The following IQSEC1 variants were observed in gnomAD, a reference collection of about 807,000 sequenced individuals.
IQSEC1 encodes the protein IQ motif and SEC7 domain-containing protein 1.
Under a neutral mutation model 91.0 loss-of-function variants are expected in IQSEC1, and 31 were observed. The ratio of observed to expected loss-of-function variants is 0.34; its 90% confidence interval spans 0.26 to 0.46. The LOEUF (loss-of-function observed/expected upper bound fraction) is 0.46, where lower values mean the gene tolerates loss of function less well. Among genes scored for constraint, IQSEC1 ranks in the 20% least tolerant of loss-of-function variants. IQSEC1 has a pLI of 1.00. For missense variants in IQSEC1, 1,388 were observed against 1,575.6 expected (o/e 0.88, Z 2.02); for synonymous variants, 699 against 662.6 (o/e 1.05, Z -0.84).
In IQSEC1 at chr3:12,899,423, G is replaced by A. The variant is rs755799875; in HGVS notation, c.*1560C>T. Reference sequence around the variant, plus strand: ...ACAGCACTGACGGCTGCAGTGGCTCGAAAGGCTGAAACTACAAAGTATGGC... The same window carrying A: ...ACAGCACTGACGGCTGCAGTGGCTCAAAAGGCTGAAACTACAAAGTATGGC... On this transcript the variant is annotated 3_prime_UTR_variant, in exon 14 of 14. Coordinates refer to ENST00000613206, the MANE Select transcript of IQSEC1 (RefSeq NM_001134382.3). 9.3e-6 allele frequency: 15 copies of A among 1,606,720 alleles called. No homozygotes were observed. Among genetic ancestry groups the A allele is most frequent in the Admixed American group, 1.7e-5 (1 of 58,938 alleles).
Position 12,922,232 on chromosome 3 carries a change from C to A in IQSEC1, c.1741G>T (p.Asp581Tyr). ...TCCATGGTAGAGAAGTCCATCTCGTCCACGACGCAGCTGGAATAGAGACAG... is the reference window on the plus strand; with the variant it reads ...TCCATGGTAGAGAAGTCCATCTCGTACACGACGCAGCTGGAATAGAGACAG... ...FNRDVLDCVV[D>Y]EMDFSTMELD... is the part of the protein sequence containing the mutation. The change falls in exon 5 of 14, where the codon GAC (aspartate) becomes TAC (tyrosine). Residue 581 changes from aspartate (D) to tyrosine (Y), a missense_variant. This residue lies in a region of IQSEC1 where 1,059 missense variants were observed against 1,317.8 expected (regional missense o/e 0.80). Transcript: ENST00000613206. This position sits in a 1 kb window ranked among gnomAD's most constrained non-coding sequence, Gnocchi z 5.1. 6.3e-7 allele frequency: 1 copy of A among 1,592,286 alleles called. No homozygotes were observed.
chr3:13,162,350 A>G (rs969824495), intron 2 of IQSEC1, among the ~76,000 whole-genome samples: 3 of 152,192 alleles, frequency 2.0e-5, no homozygotes, highest in Non-Finnish European at 4.4e-5. Context: ...CTGCGAGGCC[A>G]TCTCCTTCCT....
rs1694174234 is a variant in IQSEC1, at chr3:12,900,798, T to C, written c.*185A>G. ...CCCAGGGTGCCAACAAGAAATGAAA[T>C]CTGGGCCTTTGTTCCACACAACACC... On this transcript the variant is annotated 3_prime_UTR_variant, in exon 14 of 14. Coordinates refer to ENST00000613206, the MANE Select transcript of IQSEC1 (RefSeq NM_001134382.3). 7 of 1,452,686 alleles carry C rather than the reference T, an allele frequency of 4.8e-6. No individual in the cohort carries two copies. The Admixed American group carries it at 1.0e-4, about 22-fold the overall frequency. The allele number at this position is 1,452,686 out of a possible 1,614,324, so 90.0% of individuals were successfully genotyped here.
chr3:13,053,256 G>A (rs916162482), intron 1 of IQSEC1: 82 of 578,420 alleles, frequency 1.4e-4, no homozygotes, highest in Non-Finnish European at 2.0e-4. Flanking sequence ...CCACCTGCAC[G>A]TCATCCTTGC....
At chr3:13,230,075 T>G (rs1028533864) in intron 1 of IQSEC1, among the ~76,000 whole-genome samples, 2 of 152,202 alleles carry the variant, frequency 1.3e-5, no homozygotes, top group African/African-American at 2.4e-5. Context: ...TTTCTCAACA[T>G]GAGCTCTATC....
At chr3:13,270,104 C>G (rs1037640381) in intron 1 of IQSEC1, among the ~76,000 whole-genome samples, 2 of 152,176 alleles carry the variant, frequency 1.3e-5, no homozygotes, top group South Asian at 4.1e-4. Flanking sequence ...TGAGTGAAGT[C>G]GTTTTGGACC....
intron 12 of IQSEC1, among the ~76,000 whole-genome samples, chr3:12,905,832 C>T (rs530071196): frequency 4.3e-4 from 65 of 152,358 alleles, no homozygotes; most frequent in African/African-American, 1.5e-3. Flanking sequence ...AGGAGGGCCG[C>T]TGGGGGCCAC....
chr3:13,043,110 G>A (rs1226688322), intron 1 of IQSEC1, among the ~76,000 whole-genome samples: 1 of 152,184 alleles, frequency 6.6e-6, no homozygotes, highest in East Asian at 1.9e-4. Context: ...GAACCGCTAT[G>A]ACAGCCGCTC....
chr3:13,055,973 C>A (rs772501893), intron 1 of IQSEC1, among the ~76,000 whole-genome samples: 1 of 152,162 alleles, frequency 6.6e-6, no homozygotes, highest in Non-Finnish European at 1.5e-5. Context: ...ATGTCCCCCC[C>A]ACCACCATTC....
At chr3:13,273,216 G>T (rs982226462) in intron 1 of IQSEC1, among the ~76,000 whole-genome samples, 1 of 152,190 alleles carries the variant, frequency 6.6e-6, no homozygotes, top group African/African-American at 2.4e-5. Flanking sequence ...CAGAGTCTGT[G>T]TCCTGGCTCC....
At chr3:13,124,032 T>C (rs917984436) in intron 2 of IQSEC1, among the ~76,000 whole-genome samples, 1 of 152,238 alleles carries the variant, frequency 6.6e-6, no homozygotes, top group African/African-American at 2.4e-5. Flanking sequence ...TGCTGCCAAC[T>C]CAACCTGACC....
intron 1 of IQSEC1, among the ~76,000 whole-genome samples, chr3:13,239,351 G>A (rs1050370970): frequency 4.6e-5 from 7 of 152,242 alleles, no homozygotes; most frequent in Non-Finnish European, 8.8e-5. Context: ...GCTGAGATCT[G>A]GAAGAGGCAG....
intron 1 of IQSEC1, among the ~76,000 whole-genome samples, chr3:13,057,925 A>G (rs1704933839): frequency 6.6e-6 from 1 of 152,248 alleles, no homozygotes; most frequent in Non-Finnish European, 1.5e-5. Flanking sequence ...AGGAACCCAG[A>G]CAGCAGGTGA....
At chr3:13,249,912 G>A (rs892374410) in intron 1 of IQSEC1, among the ~76,000 whole-genome samples, 1 of 152,234 alleles carries the variant, frequency 6.6e-6, no homozygotes, top group African/African-American at 2.4e-5. Context: ...TAACCACGCA[G>A]ATGCCCAAGG....
chr3:13,237,900 C>G (rs912060168), intron 1 of IQSEC1, among the ~76,000 whole-genome samples: 1 of 152,214 alleles, frequency 6.6e-6, no homozygotes, highest in Non-Finnish European at 1.5e-5. Flanking sequence ...AGGCAGGGGG[C>G]GGGCCGAGGT....
At chr3:12,980,690 T>C (rs1701408249) in intron 1 of IQSEC1, among the ~76,000 whole-genome samples, 1 of 152,180 alleles carries the variant, frequency 6.6e-6, no homozygotes, top group Non-Finnish European at 1.5e-5. Flanking sequence ...GATGGGACCT[T>C]GCCTGTGTTC....
At chr3:13,143,952 G>T (rs1322153945) in intron 2 of IQSEC1, among the ~76,000 whole-genome samples, 1 of 152,142 alleles carries the variant, frequency 6.6e-6, no homozygotes, top group Non-Finnish European at 1.5e-5. Flanking sequence ...CCCGGTAGAG[G>T]GTTCCTACCA....
At chr3:13,092,588 G>C (rs1186702458) in intron 2 of IQSEC1, among the ~76,000 whole-genome samples, 1 of 152,074 alleles carries the variant, frequency 6.6e-6, no homozygotes, top group African/African-American at 2.4e-5. Context: ...GGGTGCTGGG[G>C]GCCTCTCTGA....
intron 1 of IQSEC1, among the ~76,000 whole-genome samples, chr3:12,978,813 A>C (rs113660910): frequency 3.6e-4 from 55 of 152,350 alleles, no homozygotes; most frequent in African/African-American, 1.3e-3. Context: ...AATGATTGCT[A>C]GCTGGTGGAT....
Sources: allele counts gnomAD v4.1 joint callset (sites outside exome capture counted in the v4.1 genomes callset), GRCh38; gene constraint gnomAD v4.1.1; regional missense constraint gnomAD v4.1.1; non-coding constraint Gnocchi (gnomAD v3.1); transcripts MANE v1.5; gene names NCBI Gene and HGNC (gene_info 2026-07-23, HGNC 2026-07-21).